SKA2: variants seen among roughly 807,000 people sequenced by gnomAD.
The protein encoded by SKA2 is spindle and kinetochore-associated protein 2.
In SKA2, 13 loss-of-function variants were observed where a neutral mutation model predicts 16.9. That is an observed-to-expected ratio of 0.77 (90% CI 0.50 to 1.22). The LOEUF (loss-of-function observed/expected upper bound fraction) is 1.22, where lower values mean the gene tolerates loss of function less well. Among genes scored for constraint, SKA2 ranks in the 50% most tolerant of loss-of-function variants. The pLI, the probability that SKA2 is intolerant of heterozygous loss-of-function variation, is 0.00. For missense variants in SKA2, 107 were observed against 139.7 expected, an observed-to-expected ratio of 0.77 and a Z score of 1.18; for synonymous variants, 47 against 48.5, an observed-to-expected ratio of 0.97 and a Z score of 0.13.
intron 3 of SKA2, among the ~76,000 whole-genome samples, chr17:59,116,702 T>A (rs1281818299): frequency 6.6e-6 from 1 of 152,052 alleles, no homozygotes; most frequent in Non-Finnish European, 1.5e-5. Context: ...AATGAGACTT[T>A]ATCCTTTTCT....
At chr17:59,134,132 T>C (rs553087325) in intron 1 of SKA2, among the ~76,000 whole-genome samples, 1 of 152,346 alleles carries the variant, frequency 6.6e-6, no homozygotes, top group Middle Eastern at 3.4e-3. Context: ...TACTAAGATA[T>C]ACTTAGGGAT....
chr17:59,126,514 G>A (rs1373209441), intron 2 of SKA2, among the ~76,000 whole-genome samples: 2 of 152,176 alleles, frequency 1.3e-5, no homozygotes, highest in Non-Finnish European at 2.9e-5. Context: ...CCAGACAGAG[G>A]TATTAGAGGC....
chr17:59,137,059 C>T (rs1328868037), intron 1 of SKA2, among the ~76,000 whole-genome samples: 1 of 151,894 alleles, frequency 6.6e-6, no homozygotes, highest in African/African-American at 2.4e-5. Context: ...GTTGCCCAGG[C>T]GAGTGCAGTG....
At chr17:59,122,361 A>G (rs2046340955) in intron 2 of SKA2, among the ~76,000 whole-genome samples, 1 of 152,180 alleles carries the variant, frequency 6.6e-6, no homozygotes, top group Middle Eastern at 3.2e-3. Flanking sequence ...TGCAAGTCCC[A>G]GCACTTTGGG....
chr17:59,153,712 G>T (rs1015157173), intron 1 of SKA2, among the ~76,000 whole-genome samples: 2 of 152,196 alleles, frequency 1.3e-5, no homozygotes, highest in African/African-American at 2.4e-5. Flanking sequence ...AGTAATGCCA[G>T]GGAATGGCGT....
At chr17:59,137,886 A>C (rs1382433827) in intron 1 of SKA2, 1 of 493,236 alleles carries the variant, frequency 2.0e-6, no homozygotes, top group Non-Finnish European at 4.1e-6. Flanking sequence ...TTTTTTAGTT[A>C]GATGGCAGAA....
chr17:59,152,478 G>T (rs2046584986), intron 1 of SKA2, among the ~76,000 whole-genome samples: 1 of 152,028 alleles, frequency 6.6e-6, no homozygotes, highest in South Asian at 2.1e-4. Flanking sequence ...CTGTTTAAAA[G>T]ATAAGTGTTT....
At chr17:59,124,696 A>C (rs2046359204) in intron 2 of SKA2, among the ~76,000 whole-genome samples, 1 of 152,190 alleles carries the variant, frequency 6.6e-6, no homozygotes, top group Non-Finnish European at 1.5e-5. Flanking sequence ...CTAGGAAAGG[A>C]AAGTTGGTAT....
intron 3 of SKA2, 122 bp downstream of exon 3, chr17:59,119,197 A>G (rs1412519260): frequency 4.7e-6 from 5 of 1,055,906 alleles, no homozygotes; most frequent in Non-Finnish European, 4.0e-6. Flanking sequence ...GTATCAGGAA[A>G]ATCTTTCAAT....
At chr17:59,121,860 T>C (rs1269177274) in intron 2 of SKA2, among the ~76,000 whole-genome samples, 1 of 140,516 alleles carries the variant, frequency 7.1e-6, no homozygotes, top group Non-Finnish European at 1.5e-5. Context: ...TAGTCCCAGC[T>C]ACTCGGGAGG....
chr17:59,152,970 A>G (rs1340267707), intron 1 of SKA2, among the ~76,000 whole-genome samples: 1 of 152,148 alleles, frequency 6.6e-6, no homozygotes, highest in African/African-American at 2.4e-5. Flanking sequence ...CCCATCATTC[A>G]AACAATACCT....
intron 2 of SKA2, among the ~76,000 whole-genome samples, chr17:59,121,970 GAA>G (rs756240204): frequency 1.5e-5 from 2 of 135,070 alleles, no homozygotes; most frequent in Admixed American, 1.5e-4. Context: ...GACTCCATCT[GAA>G]AAAAAAAAAA....
chr17:59,118,662 A>G (rs1321801305), intron 3 of SKA2, among the ~76,000 whole-genome samples: 2 of 152,064 alleles, frequency 1.3e-5, no homozygotes, highest in Non-Finnish European at 2.9e-5. Context: ...CATTACCTCT[A>G]TTCCCTGTTC....
intron 3 of SKA2, among the ~76,000 whole-genome samples, chr17:59,113,371 A>C (rs1287738263): frequency 1.4e-5 from 2 of 147,882 alleles, no homozygotes; most frequent in East Asian, 4.0e-4. Flanking sequence ...AAAAACACAA[A>C]AATTAGCCAG....
intron 2 of SKA2, among the ~76,000 whole-genome samples, chr17:59,121,985 TC>T (rs1010974028): frequency 6.9e-6 from 1 of 144,248 alleles, no homozygotes; most frequent in Non-Finnish European, 1.5e-5. Context: ...AAAAAAAAAA[TC>T]CCAGAAAGAC....
At chr17:59,119,520 G>T (rs776598089) in intron 2 of SKA2, 25 bp from the exon 3 acceptor site, 5 of 1,597,840 alleles carry the variant, frequency 3.1e-6, no homozygotes, top group Middle Eastern at 1.7e-4. Flanking sequence ...AAGTGAACAT[G>T]TATTAAATTA....
chr17:59,136,530 G>C (rs765049623), intron 1 of SKA2, among the ~76,000 whole-genome samples: 8 of 151,560 alleles, frequency 5.3e-5, no homozygotes, highest in Non-Finnish European at 1.2e-4. Context: ...ATGCCAAAAT[G>C]TTGAAAGATA....
chr17:59,125,414 CA>C (rs2046365052), intron 2 of SKA2, among the ~76,000 whole-genome samples: 1 of 151,488 alleles, frequency 6.6e-6, no homozygotes, highest in Non-Finnish European at 1.5e-5. Context: ...TAAAAGGTTA[CA>C]AGAATGGCTG....
rs1024519858 is a variant in SKA2 at position 59,111,884 on chromosome 17, C to A, written c.*393G>T. The A allele has an allele frequency of 1.8e-5, 3 of 167,150 alleles. No homozygotes were observed. Among genetic ancestry groups the A allele is most frequent in the African/African-American group, 4.8e-5 (2 of 41,698 alleles). 10.4% of individuals were successfully genotyped at this position (167,150 alleles called of 1,614,324 possible). The stretch of plus-strand genomic sequence containing the variant: ...TTTGCCTATACTTTAATTTACAAAG[C>A]CACATACCGAATGACTGAAATGTAC... On this transcript the variant is annotated 3_prime_UTR_variant, in exon 4 of 4. Transcript: ENST00000330137.
Sources: allele counts gnomAD v4.1 joint callset (sites outside exome capture counted in the v4.1 genomes callset), GRCh38; gene constraint gnomAD v4.1.1; transcripts MANE v1.5; gene names NCBI Gene and HGNC (gene_info 2026-07-23, HGNC 2026-07-21).